Variants in HTRA3 observed in about 807,000 individuals in gnomAD.
The protein encoded by HTRA3 is HtrA serine peptidase 3.
Under a neutral mutation model 43.2 loss-of-function variants are expected in HTRA3, and 41 were observed. That is an observed-to-expected ratio of 0.95 (90% confidence interval 0.74 to 1.23). The LOEUF (loss-of-function observed/expected upper bound fraction) is 1.23, where lower values mean the gene tolerates loss of function less well. Ranked by LOEUF, HTRA3 falls within the 50% of genes most tolerant of loss-of-function variation. The pLI, the probability that HTRA3 is intolerant of heterozygous loss-of-function variation, is 0.00. For missense variants in HTRA3, 628 were observed against 647.1 expected (o/e 0.97, Z 0.32); for synonymous variants, 295 against 287.9 (o/e 1.02, Z -0.25).
chr4:8,295,857 G>A lies in HTRA3; in HGVS notation c.1051+1656G>A, dbSNP rs910388693. On this transcript the variant is annotated intron_variant, in intron 6 of 8. Coordinates refer to ENST00000307358, the MANE Select transcript of HTRA3 (RefSeq NM_053044.5). The surrounding 1 kb of genome is among the most constrained non-coding windows in gnomAD (Gnocchi z 6.9). ...TTGAGGATGCCGCCATTGTTCTTCT[G>A]TGTCCATTATGGGAAGACAATCTGG... 30 of 1,236,700 alleles carry A rather than the reference G, an allele frequency of 2.4e-5. No homozygotes were observed. The highest frequency in any genetic ancestry group is 4.2e-5 in the Admixed American group (1 of 23,706). The allele number at this position is 1,236,700 out of a possible 1,614,324, so 76.6% of individuals were successfully genotyped here.
In HTRA3 at chr4:8,297,076, C is replaced by G. The variant is rs1426107681; in HGVS notation, c.1051+2875C>G. On this transcript the variant is annotated intron_variant, in intron 6 of 8. Transcript: ENST00000307358. The surrounding 1 kb of genome is among the most constrained non-coding windows in gnomAD (Gnocchi z 5.8). ...CCTTGGTCTCAGAAGCCAAAAGGTT[C>G]CCTGGTCTCAGAAGCCATAAGGTCC... Among the ~76,000 whole-genome samples the G allele has an allele frequency of 6.6e-6, 1 of 152,098 alleles. No individual in the cohort carries two copies. The highest frequency in any genetic ancestry group is 1.5e-5 in the Non-Finnish European group (1 of 68,020).
intron 7 of HTRA3, among the ~76,000 whole-genome samples, chr4:8,303,701 C>A (rs1036648968): frequency 6.6e-6 from 1 of 152,210 alleles, no homozygotes; most frequent in Non-Finnish European, 1.5e-5. Flanking sequence ...GTCCATCCCA[C>A]CTCTGTCCAG....
chr4:8,294,520 C>G (rs946084918), intron 6 of HTRA3, among the ~76,000 whole-genome samples: 3 of 151,488 alleles, frequency 2.0e-5, no homozygotes, highest in Non-Finnish European at 4.4e-5. Flanking sequence ...CCCTGGGCTC[C>G]TCTCATTTGG....
At position 8,270,203 on chromosome 4, in the gene HTRA3, G is replaced by A. The variant is rs754249367; in HGVS notation, c.235G>A (p.Gly79Ser). 4.9e-5 allele frequency: 76 copies of A among 1,538,388 alleles called. 2 individuals are homozygous for A. The South Asian group carries it at 8.5e-4, about 17-fold the overall frequency. Residue 79 changes from glycine to serine, a missense_variant, in exon 1 of 9, where the codon GGC becomes AGC. Physicochemically the swap from Gly to Ser is moderately conservative, Grantham distance 56. Coordinates refer to ENST00000307358, the MANE Select transcript of HTRA3 (RefSeq NM_053044.5). ...PCGESLECVR[G>S]LCRCRWSHAV... ...CGGCGAGAGCCTGGAGTGCGTGCGCGGCCTATGCCGCTGCCGCTGGTCGCA... is the reference window on the plus strand; with the variant it reads ...CGGCGAGAGCCTGGAGTGCGTGCGCAGCCTATGCCGCTGCCGCTGGTCGCA...
chr4:8,298,999 A>G (rs1256690947), intron 6 of HTRA3, among the ~76,000 whole-genome samples: 3 of 152,334 alleles, frequency 2.0e-5, no homozygotes, highest in South Asian at 4.1e-4. Flanking sequence ...TAAGCTTGTC[A>G]ATTTCTACAA....
chr4:8,303,827 T>C (rs1271308660), intron 7 of HTRA3, among the ~76,000 whole-genome samples: 1 of 151,624 alleles, frequency 6.6e-6, no homozygotes. Flanking sequence ...GCATTGTCTG[T>C]CCATTCCATG....
chr4:8,299,841 CT>C (rs34414197), intron 6 of HTRA3, among the ~76,000 whole-genome samples: 1,942 of 140,682 alleles, frequency 0.014, 34 homozygotes, highest in African/African-American at 0.048. Context: ...ATGTATTATC[CT>C]TTTTTTTTTT....
Position 8,282,458 on chromosome 4 carries a change from C to T in HTRA3, c.407C>T (p.Pro136Leu), listed in dbSNP as rs558370979. The T allele has an allele frequency of 7.8e-5, 126 of 1,613,702 alleles. No homozygotes were observed. The highest frequency in any genetic ancestry group is 1.5e-4 in the Admixed American group (9 of 59,984). Reference protein sequence around the residue: ...CPLGLHQLSSPRYKFNFIADV... With the variant: ...CPLGLHQLSSLRYKFNFIADV... ...GCAGGTCTCCACCAGCTGAGCAGCCCGCGCTACAAGTTCAACTTCATTGCT... is the reference window on the plus strand; with the variant it reads ...GCAGGTCTCCACCAGCTGAGCAGCCTGCGCTACAAGTTCAACTTCATTGCT... The change falls in exon 2 of 9, where the codon CCG (proline) becomes CTG (leucine). Residue 136 changes from proline (P) to leucine (L), a missense_variant. Coordinates refer to ENST00000307358, the MANE Select transcript of HTRA3 (RefSeq NM_053044.5).
At chr4:8,283,241 A>G (rs1712828161) in intron 2 of HTRA3, among the ~76,000 whole-genome samples, 1 of 152,310 alleles carries the variant, frequency 6.6e-6, no homozygotes, top group Non-Finnish European at 1.5e-5. Flanking sequence ...GAGTCGGTCA[A>G]TAGGGAAGCG....
At position 8,296,193 on chromosome 4, in the gene HTRA3, C is replaced by T; in HGVS notation, c.1051+1992C>T. The T allele has an allele frequency of 1.0e-6, 1 of 986,444 alleles. No homozygotes were observed. The highest frequency in any genetic ancestry group is 1.2e-6 in the Non-Finnish European group (1 of 830,638). The allele number at this position is 986,444 out of a possible 1,614,324, so 61.1% of individuals were successfully genotyped here. A position where few individuals can be genotyped will look rare whatever the true frequency, so the allele number is the denominator to read the frequency against. On this transcript the variant is annotated intron_variant, in intron 6 of 8. Transcript: ENST00000307358. The surrounding 1 kb of genome is among the most constrained non-coding windows in gnomAD (Gnocchi z 5.3). ...GTGGATGATAGTGTCCTCTTCCCTT[C>T]TTGCCTCTCTCTTTCTCCTGAGACA...
chr4:8,280,537 G>A (rs377666446), intron 1 of HTRA3, among the ~76,000 whole-genome samples: 5 of 152,204 alleles, frequency 3.3e-5, no homozygotes, highest in Non-Finnish European at 5.9e-5. Context: ...CGGGCCGCAC[G>A]GCAGCTTCAC....
In HTRA3 at chr4:8,296,623, G is replaced by T. The variant is rs532646823; in HGVS notation, c.1051+2422G>T. 11 of 738,768 alleles carry T rather than the reference G, an allele frequency of 1.5e-5. No homozygotes were observed. The South Asian group carries it at 4.9e-4, about 33-fold the overall frequency. The allele number at this position is 738,768 out of a possible 1,614,324, so 45.8% of individuals were successfully genotyped here. ...AGAGTGGCCACCATGCATGTTGGGG[G>T]AGCCCCAGGAGGGCTTGGGGTCCAG... On this transcript the variant is annotated intron_variant, in intron 6 of 8. Transcript: ENST00000307358. The surrounding 1 kb of genome is among the most constrained non-coding windows in gnomAD (Gnocchi z 5.3).
rs758865274 is a variant in HTRA3 at position 8,282,471 on chromosome 4, C to T, written c.420C>T (p.Phe140=). 4.3e-5 allele frequency: 69 copies of T among 1,613,950 alleles called. No homozygotes were observed. The highest frequency in any genetic ancestry group is 5.4e-5 in the Non-Finnish European group (64 of 1,180,008). Reference sequence around the variant, plus strand: ...AGCTGAGCAGCCCGCGCTACAAGTTCAACTTCATTGCTGACGTGGTGGAGA... The same window carrying T: ...AGCTGAGCAGCCCGCGCTACAAGTTTAACTTCATTGCTGACGTGGTGGAGA... ...LHQLSSPRYK[F]NFIADVVEKI... The change falls in exon 2 of 9, where the codon TTC becomes TTT. Residue 140 remains phenylalanine, a synonymous_variant. Transcript: ENST00000307358.
chr4:8,299,435 A>G (rs2153006984), intron 6 of HTRA3, among the ~76,000 whole-genome samples: 1 of 152,308 alleles, frequency 6.6e-6, no homozygotes, highest in Non-Finnish European at 1.5e-5. Flanking sequence ...GTCTGTGAAT[A>G]AAGACAGTTT....
At chr4:8,280,390 A>G (rs1233361074) in intron 1 of HTRA3, among the ~76,000 whole-genome samples, 1 of 152,010 alleles carries the variant, frequency 6.6e-6, no homozygotes, top group African/African-American at 2.4e-5. Flanking sequence ...ATCTTGTGAG[A>G]GCTCTGAACC....
chr4:8,270,518 C>G (rs1314241324), intron 1 of HTRA3, among the ~76,000 whole-genome samples, 165 bp downstream of exon 1: 2 of 152,216 alleles, frequency 1.3e-5, no homozygotes, highest in Admixed American at 6.5e-5. Context: ...GAAACTGAGG[C>G]CCGGAAAGGT....
chr4:8,303,126 A>C (rs926979671), intron 7 of HTRA3, among the ~76,000 whole-genome samples: 6 of 152,216 alleles, frequency 3.9e-5, no homozygotes, highest in African/African-American at 1.4e-4. Flanking sequence ...TCACATTCTG[A>C]GGCTCTGGGT....
Position 8,302,448 on chromosome 4 carries a change from G to A in HTRA3, c.1052-15G>A, listed in dbSNP as rs202110139. On this transcript the variant is annotated splice_polypyrimidine_tract_variant and intron_variant, in intron 6 of 8. Coordinates refer to ENST00000307358, the MANE Select transcript of HTRA3 (RefSeq NM_053044.5). Reference sequence around the variant, plus strand: ...ACAGCAGCCCTAACGGAGTCTCGCCGTGTTTCATTTCCAGACTGGAAGAAG... The same window carrying A: ...ACAGCAGCCCTAACGGAGTCTCGCCATGTTTCATTTCCAGACTGGAAGAAG... 1.4e-4 allele frequency: 219 copies of A among 1,613,812 alleles called. No individual in the cohort carries two copies. Among genetic ancestry groups the A allele is most frequent in the African/African-American group, 4.7e-4 (35 of 75,008 alleles).
intron 1 of HTRA3, among the ~76,000 whole-genome samples, chr4:8,280,693 C>T (rs1712709136): frequency 6.6e-6 from 1 of 152,024 alleles, no homozygotes; most frequent in Non-Finnish European, 1.5e-5. Context: ...CCTGAGACCC[C>T]GCTCTGCCGC....
Sources: gnomAD v4.1 joint callset for allele counts (sites outside exome capture counted in the v4.1 genomes callset) on GRCh38, gnomAD v4.1.1 for gene constraint, Gnocchi (gnomAD v3.1) non-coding constraint, MANE v1.5 for transcripts, NCBI Gene and HGNC (gene_info 2026-07-23, HGNC 2026-07-21) for gene names.